Variants in CEP170 observed in about 807,000 individuals in gnomAD.
CEP170 encodes the protein centrosomal protein of 170 kDa.
CEP170 carries 21 observed loss-of-function variants against 151.9 expected under a neutral mutation model. The ratio of observed to expected loss-of-function variants is 0.14; its 90% CI spans 0.10 to 0.20. CEP170 has a LOEUF of 0.20. CEP170 is among the 10% of genes least tolerant of loss of function. CEP170 has a pLI of 1.00. For synonymous variants in CEP170, 356 were observed against 648.8 expected, an observed-to-expected ratio of 0.55 and a Z score of 6.86; for missense variants, 964 against 1,892.9, an observed-to-expected ratio of 0.51 and a Z score of 9.11.
chr1:243,229,411 C>T (rs895251988), intron 1 of CEP170, among the ~76,000 whole-genome samples: 1 of 151,082 alleles, frequency 6.6e-6, no homozygotes, highest in Non-Finnish European at 1.5e-5. Context: ...TTCAGGTATC[C>T]TGCTTGTAAG....
At chr1:243,207,105 C>G (rs746643585) in intron 4 of CEP170, among the ~76,000 whole-genome samples, 10 of 151,986 alleles carry the variant, frequency 6.6e-5, no homozygotes, top group Non-Finnish European at 1.2e-4. Flanking sequence ...ATGTGAATGG[C>G]CTACATCACC....
At chr1:243,251,748 C>T (rs1361383102) in intron 1 of CEP170, among the ~76,000 whole-genome samples, 3 of 152,008 alleles carry the variant, frequency 2.0e-5, no homozygotes, top group East Asian at 3.8e-4. Flanking sequence ...GATTCTTTTC[C>T]ACTTCTATAC....
At chr1:243,209,812 C>T (rs1460506449) in intron 4 of CEP170, among the ~76,000 whole-genome samples, 1 of 151,846 alleles carries the variant, frequency 6.6e-6, no homozygotes, top group Non-Finnish European at 1.5e-5. Context: ...GAGGTAGGAG[C>T]CTCCTGAGTT....
intron 18 of CEP170, 84 bp from the exon 19 acceptor site, chr1:243,128,384 A>C (rs2053959224): frequency 8.5e-7 from 1 of 1,174,460 alleles, no homozygotes; most frequent in Non-Finnish European, 1.2e-6. Flanking sequence ...CTCTCACTTT[A>C]TTTGGAACAC....
chr1:243,178,350 A>G (rs888340552), intron 10 of CEP170, among the ~76,000 whole-genome samples: 4 of 148,110 alleles, frequency 2.7e-5, no homozygotes, highest in African/African-American at 9.9e-5. Context: ...TGAAGTACTG[A>G]TACAGGTTAC....
At chr1:243,247,336 T>C (rs1024951376) in intron 1 of CEP170, among the ~76,000 whole-genome samples, 1 of 152,178 alleles carries the variant, frequency 6.6e-6, no homozygotes, top group Non-Finnish European at 1.5e-5. Flanking sequence ...AAAAAGCTAT[T>C]ATCTCAAAGC....
intron 8 of CEP170, among the ~76,000 whole-genome samples, chr1:243,189,556 CAAA>C (rs55684224): frequency 3.0e-5 from 2 of 65,798 alleles, no homozygotes; most frequent in African/African-American, 5.7e-5. Flanking sequence ...ACTCTGTCTC[CAAA>C]AAAAAAAAAA....
chr1:243,166,463 T>TC (rs199642158), intron 12 of CEP170: 1 of 201,100 alleles, frequency 5.0e-6, no homozygotes. Flanking sequence ...CATTTCTTTT[T>TC]CCCCTCTCAA....
intron 18 of CEP170, 77 bp downstream of exon 18, chr1:243,129,283 C>A: frequency 2.4e-6 from 3 of 1,235,368 alleles, no homozygotes; most frequent in African/African-American, 1.6e-5. Flanking sequence ...AATCAACGAA[C>A]AGCTCAAAAA....
chr1:243,173,065 C>CTT (rs1021758453), intron 10 of CEP170, among the ~76,000 whole-genome samples: 2 of 145,796 alleles, frequency 1.4e-5, no homozygotes, highest in African/African-American at 5.0e-5. Context: ...AGTAATTATC[C>CTT]TTTTTTTTTT....
At chr1:243,174,071 GATTA>G (rs773287715) in intron 10 of CEP170, among the ~76,000 whole-genome samples, 29 of 152,178 alleles carry the variant, frequency 1.9e-4, no homozygotes, top group East Asian at 5.8e-4. Context: ...GCCTATTTAA[GATTA>G]ATTGTTTCAA....
Position 243,178,010 on chromosome 1 carries a change from C to T in CEP170, c.1567-5164G>A, listed in dbSNP as rs573830102. ...GGATGAATAAAATGTGGTTTATGCA[C>T]GCAATAAGATATTTATTCAGCCATA... On this transcript the variant is annotated intron_variant, in intron 10 of 19. Transcript: ENST00000366542. Among the ~76,000 whole-genome samples the T allele has an allele frequency of 1.4e-4, 22 of 152,040 alleles. 1 individual carries two copies. The South Asian group carries it at 4.2e-3, about 29-fold the overall frequency.
At chr1:243,189,983 C>T (rs556549564) in intron 8 of CEP170, among the ~76,000 whole-genome samples, 15 of 152,080 alleles carry the variant, frequency 9.9e-5, no homozygotes, top group African/African-American at 3.6e-4. Flanking sequence ...TCTCACTGTC[C>T]GGAAATGTCT....
intron 14 of CEP170, among the ~76,000 whole-genome samples, chr1:243,147,860 T>C (rs1334807700): frequency 6.6e-6 from 1 of 152,218 alleles, no homozygotes; most frequent in Non-Finnish European, 1.5e-5. Context: ...ATTCAGGGCC[T>C]ACTGATAACG....
intron 13 of CEP170, among the ~76,000 whole-genome samples, chr1:243,157,882 G>A (rs1160277645): frequency 1.3e-5 from 2 of 152,106 alleles, no homozygotes; most frequent in African/African-American, 4.8e-5. Flanking sequence ...CTGATGTTTG[G>A]AACTAGATTC....
chr1:243,189,556 CAAAAAAAA>C (rs55684224), intron 8 of CEP170, among the ~76,000 whole-genome samples: 1 of 65,818 alleles, frequency 1.5e-5, no homozygotes, highest in African/African-American at 5.7e-5. Context: ...ACTCTGTCTC[CAAAAAAAA>C]AAAAAAAAAA....
intron 14 of CEP170, among the ~76,000 whole-genome samples, chr1:243,151,399 G>C (rs1459704953): frequency 1.3e-5 from 2 of 151,338 alleles, no homozygotes; most frequent in Non-Finnish European, 2.9e-5. Context: ...AGTTCTTGAA[G>C]TAAATTAAAA....
chr1:243,210,450 A>AT (rs931243105), intron 4 of CEP170, among the ~76,000 whole-genome samples: 55 of 151,632 alleles, frequency 3.6e-4, no homozygotes, highest in Middle Eastern at 6.8e-3. Flanking sequence ...TGCATGAAGC[A>AT]TTTTTTTTAA....
chr1:243,129,158 G>T (rs541905404), intron 18 of CEP170, among the ~76,000 whole-genome samples: 14 of 152,016 alleles, frequency 9.2e-5, no homozygotes, highest in Non-Finnish European at 1.5e-4. Flanking sequence ...AACACAAAAG[G>T]CTCCTCCTTC....
Sources: allele counts gnomAD v4.1 joint callset (sites outside exome capture counted in the v4.1 genomes callset), GRCh38; gene constraint gnomAD v4.1.1; transcripts MANE v1.5; gene names NCBI Gene and HGNC (gene_info 2026-07-23, HGNC 2026-07-21).